ABCA2: variants seen among roughly 807,000 people sequenced by gnomAD.
ABCA2 encodes ATP binding cassette subfamily A member 2.
In ABCA2, 84 loss-of-function variants were observed where a neutral mutation model predicts 262.8. The ratio of observed to expected loss-of-function variants is 0.32; its 90% confidence interval spans 0.27 to 0.38. The LOEUF (loss-of-function observed/expected upper bound fraction) is 0.38, where lower values mean the gene tolerates loss of function less well. ABCA2 is among the 10% of genes least tolerant of loss of function. The pLI is 1.00. For missense variants in ABCA2, 2,662 were observed against 3,405.9 expected (o/e 0.78, Z 5.44); for synonymous variants, 1,696 against 1,502.9 (o/e 1.13, Z -2.97).
chr9:137,028,147 G>A lies in ABCA2; in HGVS notation c.-7C>T. 4.1e-6 allele frequency: 4 copies of A among 982,486 alleles called. No individual in the cohort carries two copies. The highest frequency in any genetic ancestry group is 4.8e-6 in the Non-Finnish European group (4 of 828,864). The allele number at this position is 982,486 out of a possible 1,614,324, so 60.9% of individuals were successfully genotyped here. On this transcript the variant is annotated 5_prime_UTR_variant, in exon 1 of 49. Coordinates refer to ENST00000341511, the MANE Select transcript of ABCA2 (RefSeq NM_001606.5). This position sits in a 1 kb window ranked among gnomAD's most constrained non-coding sequence, Gnocchi z 6.9. ...GCTGGTGCAGGAAGCCCATGGCGGG[G>A]CCACGCTCCGCCGCCTCAGCGCCGC...
chr9:137,008,047 G>C, intron 48 of ABCA2, 83 bp from the exon 49 acceptor site: 1 of 1,521,982 alleles, frequency 6.6e-7, no homozygotes, highest in Non-Finnish European at 8.8e-7. Context: ...GGCCCGCCCC[G>C]GCCCTCCTGC....
chr9:137,018,882 CTCG>C lies in ABCA2; in HGVS notation c.1722+18_1722+20del. The C allele has an allele frequency of 6.2e-7, 1 of 1,612,042 alleles. No individual in the cohort carries two copies. ...CGAGGCAGGGGGTGTCGTGGGTTGG[CTCG>C]GAGGCCCCACCGCTCACCTTGGACA... On this transcript the variant is annotated intron_variant, in intron 12 of 48. Transcript: ENST00000341511.
rs200856142 is a variant in ABCA2, at chr9:137,018,230, C to T, written c.1941G>A (p.Gly647=). 8.7e-4 allele frequency: 1,394 copies of T among 1,611,138 alleles called. 2 individuals carry two copies. Among genetic ancestry groups the T allele is most frequent in the Non-Finnish European group, 1.1e-3 (1,269 of 1,179,658 alleles). ...NEIRRAYWRP[G]PNTGGRFYFL... is the part of the protein sequence containing the mutation. ...AGTAGAAGCGGCCGCCAGTATTGGGCCCAGGCCGCCAGTAGGCGCGGCGGA... is the reference window on the plus strand; with the variant it reads ...AGTAGAAGCGGCCGCCAGTATTGGGTCCAGGCCGCCAGTAGGCGCGGCGGA... Residue 647 remains glycine (G), a synonymous_variant, in exon 14 of 49, where the codon GGG becomes GGA. Coordinates refer to ENST00000341511, the MANE Select transcript of ABCA2 (RefSeq NM_001606.5).
Position 137,017,868 on chromosome 9 carries a change from C to G in ABCA2, c.2130G>C (p.Leu710=). 1.9e-6 allele frequency: 3 copies of G among 1,612,644 alleles called. No individual in the cohort carries two copies. The highest frequency in any genetic ancestry group is 3.3e-4 in the Middle Eastern group (2 of 6,062). Reference sequence around the variant, plus strand: ...AGTAGACCCAGGAGATCACCATGCACAGCGGCATCATGTGCTCAATGACAA... The same window carrying G: ...AGTAGACCCAGGAGATCACCATGCAGAGCGGCATCATGTGCTCAATGACAA... ...FLFVIEHMMP[L]CMVISWVYSV... Residue 710 remains leucine (L), a synonymous_variant, in exon 16 of 49, where the codon CTG becomes CTC. Transcript: ENST00000341511.
chr9:137,012,647 CAGG>C (rs1564215419), intron 31 of ABCA2, 57 bp from the exon 32 acceptor site: 1 of 1,610,436 alleles, frequency 6.2e-7, no homozygotes, highest in South Asian at 1.1e-5. Flanking sequence ...GCTAGAGGGG[CAGG>C]AGTTGAGACT....
chr9:137,014,397 C>T lies in ABCA2; in HGVS notation c.4011G>A (p.Lys1337=). Reference sequence around the variant, plus strand: ...CAGGGAGCACATCCTTCCTGGACTCCTTCACATCTGCCGCAGTGGAAGGGC... The same window carrying T: ...CAGGGAGCACATCCTTCCTGGACTCTTTCACATCTGCCGCAGTGGAAGGGC... ...QSLENSEADV[K]ESRKDVLPGA... Residue 1337 remains lysine, a synonymous_variant, in exon 27 of 49, where the codon AAG becomes AAA. Coordinates refer to ENST00000341511, the MANE Select transcript of ABCA2 (RefSeq NM_001606.5). 6.3e-7 allele frequency: 1 copy of T among 1,589,640 alleles called. No homozygotes were observed.
In ABCA2 at chr9:137,014,924, G is replaced by A. The variant is rs375345454; in HGVS notation, c.3871C>T (p.Arg1291Cys). 94 of 1,568,358 alleles carry A rather than the reference G, an allele frequency of 6.0e-5. No individual in the cohort carries two copies. Among genetic ancestry groups the A allele is most frequent in the East Asian group, 2.3e-5 (1 of 44,292 alleles). The change falls in exon 25 of 49, where the codon CGC becomes TGC. Residue 1291 changes from arginine to cysteine, a missense_variant. Around this residue, in one of 12 missense-constraint regions of ABCA2, gnomAD observed 297 missense variants for 286.5 expected, o/e 1.04. Transcript: ENST00000341511. ...SEAAKKGAFERLFQHLERSLD... is the reference protein window; with the variant it reads ...SEAAKKGAFECLFQHLERSLD... Reference sequence around the variant, plus strand: ...GTGCGCCCTCACACCTGGAAGAGGCGCTCGAAAGCCCCCTTCTTGGCGGCC... The same window carrying A: ...GTGCGCCCTCACACCTGGAAGAGGCACTCGAAAGCCCCCTTCTTGGCGGCC...
At position 137,016,962 on chromosome 9, in the gene ABCA2, C is replaced by T. The variant is rs1421869716; in HGVS notation, c.2716G>A (p.Val906Ile). The T allele has an allele frequency of 1.2e-6, 2 of 1,612,772 alleles. No individual in the cohort carries two copies. The highest frequency in any genetic ancestry group is 1.7e-6 in the Non-Finnish European group (2 of 1,179,994). Residue 906 changes from valine (V) to isoleucine (I), a missense_variant, in exon 19 of 49, where the codon GTC becomes ATC. Transcript: ENST00000341511. ...AVTMLMVDAV[V>I]YGILTWYIEA... ...ATGTACCACGTGAGGATGCCATAGA[C>T]CACGGCGTCCACCATCAGCATGGTG...
intron 1 of ABCA2, among the ~76,000 whole-genome samples, chr9:137,025,818 G>A (rs1309452555): frequency 6.6e-6 from 1 of 152,168 alleles, no homozygotes. Context: ...GGCCTCGCAC[G>A]AGCTACTGGG....
intron 45 of ABCA2, 70 bp from the exon 46 acceptor site, chr9:137,009,123 G>T (rs1328945836): frequency 1.4e-6 from 2 of 1,445,958 alleles, no homozygotes; most frequent in African/African-American, 1.6e-5. Context: ...CAGCCTCCCA[G>T]CCCTACAGCC....
chr9:137,018,641 C>A, intron 13 of ABCA2, 78 bp downstream of exon 13: 1 of 1,134,394 alleles, frequency 8.8e-7, no homozygotes. Context: ...AGTGGGAGGG[C>A]ACAGGGGGAC....
chr9:137,010,921 G>A (rs1405702968), intron 39 of ABCA2, 52 bp downstream of exon 39: 16 of 218,864 alleles, frequency 7.3e-5, no homozygotes, highest in East Asian at 2.7e-4. Flanking sequence ...CCCCACCCCC[G>A]AACCCATCCC....
rs748302984 is a variant in ABCA2, at chr9:137,008,938, C to T, written c.6930+13G>A. 14 of 1,603,350 alleles carry T rather than the reference C, an allele frequency of 8.7e-6. No individual in the cohort carries two copies. In the Admixed American group the frequency reaches 1.0e-4, roughly 11 times the overall value. ...GTAGCGCCCCCTCCACAACCCTGCC[C>T]GGGACGGCGCACCTTGAGCATGGCT... On this transcript the variant is annotated intron_variant, in intron 46 of 48. Transcript: ENST00000341511.
intron 15 of ABCA2, 27 bp from the exon 16 acceptor site, chr9:137,017,928 A>G (rs1479214085): frequency 6.2e-7 from 1 of 1,612,014 alleles, no homozygotes; most frequent in Non-Finnish European, 8.5e-7. Flanking sequence ...CTCAGGCGCC[A>G]CTCAGCCCCA....
chr9:137,014,464 G>A, intron 26 of ABCA2, 60 bp from the exon 27 acceptor site: 1 of 1,515,330 alleles, frequency 6.6e-7, no homozygotes, highest in Non-Finnish European at 8.9e-7. Flanking sequence ...GCCTGCCCAG[G>A]ACCCCCATCC....
Position 137,011,261 on chromosome 9 carries a change from G to A in ABCA2, c.5848C>T (p.Pro1950Ser). The stretch of plus-strand genomic sequence containing the variant: ...AGCCCGTGGCCCAGGTTGTAGTTGG[G>A]GAAAATGAGGAAGCAGCTTTTCAGG... Reference protein sequence around the residue: ...SYLKSCFLIFPNYNLGHGLME... With the variant: ...SYLKSCFLIFSNYNLGHGLME... The change falls in exon 38 of 49, where the codon CCC becomes TCC. Residue 1950 changes from proline to serine, a missense_variant. By Grantham distance (74) the Pro-to-Ser change is moderately conservative. Around this residue, in one of 12 missense-constraint regions of ABCA2, gnomAD observed 602 missense variants for 897.4 expected, o/e 0.67. Coordinates refer to ENST00000341511, the MANE Select transcript of ABCA2 (RefSeq NM_001606.5). The surrounding 1 kb of genome is among the most constrained non-coding windows in gnomAD (Gnocchi z 8.8). 6.2e-7 allele frequency: 1 copy of A among 1,612,574 alleles called. No individual in the cohort carries two copies. Among genetic ancestry groups the A allele is most frequent in the Non-Finnish European group, 8.5e-7 (1 of 1,179,858 alleles).
Position 137,022,299 on chromosome 9 carries a change from C to T in ABCA2, c.567+52G>A, listed in dbSNP as rs1474747072. On this transcript the variant is annotated intron_variant, in intron 6 of 48. Transcript: ENST00000341511. Reference sequence around the variant, plus strand: ...TGAGGATGGCTCAGCAACCAGGGGGCGTGGCTGGGGCAGAAGGGAGTGGCC... The same window carrying T: ...TGAGGATGGCTCAGCAACCAGGGGGTGTGGCTGGGGCAGAAGGGAGTGGCC... 3.3e-6 allele frequency: 5 copies of T among 1,524,310 alleles called. No homozygotes were observed. In the East Asian group the frequency reaches 7.0e-5, roughly 21 times the overall value. The allele number at this position is 1,524,310 out of a possible 1,614,324, so 94.4% of individuals were successfully genotyped here.
Position 137,010,601 on chromosome 9 carries a change from C to T in ABCA2, c.6174+19G>A. The T allele has an allele frequency of 1.3e-6, 2 of 1,577,290 alleles. No individual in the cohort carries two copies. The highest frequency in any genetic ancestry group is 1.7e-6 in the Non-Finnish European group (2 of 1,148,080). ...TGGCCTACCCCACCCAGGCCCCACC[C>T]TACATGCCCAGAGCCCACCTTGGTC... On this transcript the variant is annotated intron_variant, in intron 40 of 48. Transcript: ENST00000341511.
chr9:137,012,639 TA>T, intron 31 of ABCA2, 49 bp from the exon 32 acceptor site: 1 of 1,610,066 alleles, frequency 6.2e-7, no homozygotes, highest in Non-Finnish European at 8.5e-7. Flanking sequence ...GCAGTGAGGC[TA>T]GAGGGGCAGG....
Sources: allele counts gnomAD v4.1 joint callset (sites outside exome capture counted in the v4.1 genomes callset), GRCh38; gene constraint gnomAD v4.1.1; regional missense constraint gnomAD v4.1.1; non-coding constraint Gnocchi (gnomAD v3.1); transcripts MANE v1.5; gene names NCBI Gene and HGNC (gene_info 2026-07-23, HGNC 2026-07-21).